SCN7A: variants seen among roughly 807,000 people sequenced by gnomAD.
SCN7A encodes sodium channel protein type 7 subunit alpha.
A neutral mutation model predicts 155.2 loss-of-function variants in SCN7A; 138 were observed. The ratio of observed to expected loss-of-function variants is 0.89; its 90% CI spans 0.77 to 1.02. SCN7A has a LOEUF of 1.02. Ranked by LOEUF, SCN7A falls within the 50% of genes least tolerant of loss-of-function variation. The probability of loss-of-function intolerance (pLI) is 0.00; values close to 1 mark genes in which losing one functional copy is unlikely to be tolerated. For synonymous variants in SCN7A, 693 were observed against 649.0 expected (o/e 1.07, Z -1.03); for missense variants, 2,058 against 1,986.6 (o/e 1.04, Z -0.68).
chr2:166,429,248 T>C lies in SCN7A; in HGVS notation c.2619A>G (p.Glu873=). The change falls in exon 17 of 26, where the codon GAA becomes GAG. Residue 873 remains glutamate (E), a synonymous_variant. Coordinates refer to ENST00000643258, the MANE Select transcript of SCN7A (RefSeq NM_002976.4). ...AGATAGCAATATCAACAGTACTGCA[T>C]TCAGATGAGCTAGATTGCTTTATTT... ...KEKIKQSSSS[E]CSTVDIAISE... is the part of the protein sequence containing the mutation. 1 of 1,540,694 alleles carries C rather than the reference T, an allele frequency of 6.5e-7. No homozygotes were observed. Among genetic ancestry groups the C allele is most frequent in the Non-Finnish European group, 8.8e-7 (1 of 1,141,446 alleles).
At chr2:166,441,348 T>A in intron 15 of SCN7A, 48 bp downstream of exon 15, 1 of 1,331,784 alleles carries the variant, frequency 7.5e-7, no homozygotes. Context: ...AATACCAAAC[T>A]ACCTTATACC....
Position 166,443,427 on chromosome 2 carries a change from T to C in SCN7A, c.1800+76A>G, listed in dbSNP as rs1701999871. 7.1e-6 allele frequency: 9 copies of C among 1,266,780 alleles called. No individual in the cohort carries two copies. In the South Asian group the frequency reaches 1.3e-4, roughly 18 times the overall value. 78.5% of individuals were successfully genotyped at this position (1,266,780 alleles called of 1,614,324 possible). A position where few individuals can be genotyped will look rare whatever the true frequency, so the allele number is the denominator to read the frequency against. On this transcript the variant is annotated intron_variant, in intron 14 of 25. Coordinates refer to ENST00000643258, the MANE Select transcript of SCN7A (RefSeq NM_002976.4). ...AATGTCCCAATGGGATAGGTATTAC[T>C]GTAACCCCATTTTATGTCTGCAGAC...
chr2:166,417,948 T>C (rs1701415110), intron 20 of SCN7A, among the ~76,000 whole-genome samples: 2 of 151,770 alleles, frequency 1.3e-5, no homozygotes, highest in South Asian at 2.1e-4. Flanking sequence ...CTATAATCAC[T>C]GTCATTATTT....
At position 166,404,708 on chromosome 2, in the gene SCN7A, T is replaced by C. The variant is rs1449871649; in HGVS notation, c.*872A>G. ...TATTCAATGTTACATTAGAAATAAC[T>C]GGTAAAAATACATCAATTTCATAAG... On this transcript the variant is annotated 3_prime_UTR_variant, in exon 26 of 26. Coordinates refer to ENST00000643258, the MANE Select transcript of SCN7A (RefSeq NM_002976.4). The C allele has an allele frequency of 6.6e-6, 1 of 151,152 alleles. No homozygotes were observed. Among genetic ancestry groups the C allele is most frequent in the Non-Finnish European group, 1.5e-5 (1 of 67,836 alleles). 9.4% of individuals were successfully genotyped at this position (151,152 alleles called of 1,614,324 possible).
At chr2:166,445,597 CTCT>C (rs71395228) in intron 12 of SCN7A, among the ~76,000 whole-genome samples, 18,987 of 152,034 alleles carry the variant, frequency 0.12, 1,301 homozygotes, top group Middle Eastern at 0.15. Flanking sequence ...CTCTCTCTCT[CTCT>C]TTTTTGTCTG....
intron 1 of SCN7A, among the ~76,000 whole-genome samples, chr2:166,489,172 C>G (rs1438116643): frequency 6.6e-6 from 1 of 152,130 alleles, no homozygotes; most frequent in African/African-American, 2.4e-5. Flanking sequence ...ATGGATATGT[C>G]TGTGCTCATA....
intron 11 of SCN7A, among the ~76,000 whole-genome samples, chr2:166,449,202 T>C (rs1254385638): frequency 6.6e-6 from 1 of 152,140 alleles, no homozygotes; most frequent in African/African-American, 2.4e-5. Context: ...AGTATTTGAA[T>C]TTAAATTTTT....
intron 11 of SCN7A, among the ~76,000 whole-genome samples, chr2:166,448,775 T>C (rs1206193659): frequency 6.6e-6 from 1 of 152,234 alleles, no homozygotes; most frequent in African/African-American, 2.4e-5. Flanking sequence ...TATTGCAAAG[T>C]ATCAAATCAG....
intron 1 of SCN7A, among the ~76,000 whole-genome samples, chr2:166,488,487 A>G (rs1359980106): frequency 3.3e-5 from 5 of 152,164 alleles, no homozygotes; most frequent in Non-Finnish European, 7.3e-5. Flanking sequence ...TTAATAGTCT[A>G]ACTCTGTAGA....
intron 18 of SCN7A, among the ~76,000 whole-genome samples, chr2:166,425,878 G>A (rs1237483990): frequency 6.6e-6 from 1 of 152,084 alleles, no homozygotes. Flanking sequence ...ACATATTTGA[G>A]GACCATTTAT....
At chr2:166,428,054 A>T (rs182227829) in intron 17 of SCN7A, 112 bp from the exon 18 acceptor site, 1 of 1,088,862 alleles carries the variant, frequency 9.2e-7, no homozygotes, top group East Asian at 2.5e-5. Flanking sequence ...ATTCTAATCC[A>T]GGTTGTCTCT....
At chr2:166,446,022 C>A (rs1417120716) in intron 12 of SCN7A, among the ~76,000 whole-genome samples, 1 of 152,078 alleles carries the variant, frequency 6.6e-6, no homozygotes, top group African/African-American at 2.4e-5. Flanking sequence ...CCAAAATTGA[C>A]AAATGGGATC....
In SCN7A at chr2:166,441,684, T is replaced by C. The variant is rs771508372; in HGVS notation, c.1869A>G (p.Ser623=). ...FQILMWSLSN[S]WVALKDLVLL... ...GGACCAAGTCTTTCAGGGCCACCCA[T>C]GAGTTACTAAGAGACCACATCAAAA... Residue 623 remains serine (S), a synonymous_variant, in exon 15 of 26, where the codon TCA becomes TCG. Coordinates refer to ENST00000643258, the MANE Select transcript of SCN7A (RefSeq NM_002976.4). 4.3e-6 allele frequency: 7 copies of C among 1,613,810 alleles called. No homozygotes were observed. The South Asian group carries it at 4.4e-5, about 10-fold the overall frequency.
At chr2:166,433,193 TAA>T (rs2105415521) in intron 15 of SCN7A, among the ~76,000 whole-genome samples, 1 of 152,270 alleles carries the variant, frequency 6.6e-6, no homozygotes, top group African/African-American at 2.4e-5. Flanking sequence ...ATAAATGGGT[TAA>T]GTGTTCTCAC....
In SCN7A at chr2:166,472,439, A is replaced by G; in HGVS notation, c.450T>C (p.Thr150=). 6.3e-7 allele frequency: 1 copy of G among 1,598,458 alleles called. No individual in the cohort carries two copies. The highest frequency in any genetic ancestry group is 8.5e-7 in the Non-Finnish European group (1 of 1,170,124). ...LPKWRPVLEN[T]LLGIYTFEIL... ...TTTCAAATGTGTAAATTCCAAGCAA[A>G]GTATTCCTGCAGAAATTTTTTCATA... Residue 150 remains threonine, a synonymous_variant, in exon 6 of 26, where the codon ACT becomes ACC. Coordinates refer to ENST00000643258, the MANE Select transcript of SCN7A (RefSeq NM_002976.4).
rs541062146 is a variant in SCN7A, at chr2:166,421,313, A to T, written c.3028-16T>A. The T allele has an allele frequency of 8.9e-4, 1,214 of 1,368,334 alleles. 1 individual carries two copies. Among genetic ancestry groups the T allele is most frequent in the African/African-American group, 1.4e-3 (96 of 67,198 alleles). 84.8% of individuals were successfully genotyped at this position (1,368,334 alleles called of 1,614,324 possible). ...GACAAAACACCTATATATTTTTTTTAAAAAAAGAGTGAATAGGATTCCATA... is the reference window on the plus strand; with the variant it reads ...GACAAAACACCTATATATTTTTTTTTAAAAAAGAGTGAATAGGATTCCATA... On this transcript the variant is annotated splice_polypyrimidine_tract_variant and intron_variant, in intron 19 of 25. Coordinates refer to ENST00000643258, the MANE Select transcript of SCN7A (RefSeq NM_002976.4).
chr2:166,446,673 T>C (rs941865876), intron 12 of SCN7A, among the ~76,000 whole-genome samples: 2 of 152,178 alleles, frequency 1.3e-5, no homozygotes, highest in Non-Finnish European at 2.9e-5. Flanking sequence ...ATATACACTA[T>C]GGAACACTAT....
intron 11 of SCN7A, among the ~76,000 whole-genome samples, chr2:166,448,721 G>T (rs947765203): frequency 1.3e-5 from 2 of 152,136 alleles, no homozygotes; most frequent in Non-Finnish European, 2.9e-5. Context: ...AATGGTTGTG[G>T]TATGATCCAT....
At chr2:166,410,169 A>G in intron 24 of SCN7A, 51 bp downstream of exon 24, 1 of 1,325,200 alleles carries the variant, frequency 7.5e-7, no homozygotes, top group Admixed American at 2.5e-5. Flanking sequence ...AAAAGAGAAT[A>G]TATAAAGAAC....
Sources: allele counts gnomAD v4.1 joint callset (sites outside exome capture counted in the v4.1 genomes callset), GRCh38; gene constraint gnomAD v4.1.1; transcripts MANE v1.5; gene names NCBI Gene and HGNC (gene_info 2026-07-23, HGNC 2026-07-21).